Variants in ANO2 observed in about 807,000 individuals in gnomAD.
ANO2 encodes the protein anoctamin-2.
ANO2 carries 101 observed loss-of-function variants against 124.2 expected under a neutral mutation model. The observed-to-expected ratio is 0.81, with a 90% CI of 0.69 to 0.96. The LOEUF (loss-of-function observed/expected upper bound fraction) is 0.96. Among genes scored for constraint, ANO2 ranks in the 40% least tolerant of loss-of-function variants. ANO2 has a pLI of 0.00. For synonymous variants in ANO2, 486 were observed against 482.5 expected (o/e 1.01, Z -0.09); for missense variants, 1,293 against 1,274.5 (o/e 1.01, Z -0.22).
intron 12 of ANO2, among the ~76,000 whole-genome samples, chr12:5,742,143 C>A (rs1951115450): frequency 6.6e-6 from 1 of 152,170 alleles, no homozygotes; most frequent in African/African-American, 2.4e-5. Flanking sequence ...CCTTCCGCTG[C>A]CACCAGCAGC....
chr12:5,665,398 C>A (rs1947650649), intron 14 of ANO2, among the ~76,000 whole-genome samples: 1 of 152,178 alleles, frequency 6.6e-6, no homozygotes, highest in South Asian at 2.1e-4. Flanking sequence ...GGCTTTGCGT[C>A]TGTGCTTCAT....
intron 19 of ANO2, among the ~76,000 whole-genome samples, chr12:5,605,343 T>A (rs1944167215): frequency 6.6e-6 from 1 of 152,230 alleles, no homozygotes; most frequent in Non-Finnish European, 1.5e-5. Context: ...AAATATAACA[T>A]TTATCACATT....
rs1940100876 is a variant in ANO2 at position 5,900,333 on chromosome 12, C to T, written c.534+20707G>A. ...GGAACACATGGTTGTTTGGATCAGG[C>T]ATCCGTTTCTGAGCCCCTCCTAGTC... On this transcript the variant is annotated intron_variant, in intron 3 of 24. Coordinates refer to ENST00000682330, the MANE Select transcript of ANO2 (RefSeq NM_001364791.2). This position sits in a 1 kb window ranked among gnomAD's most constrained non-coding sequence, Gnocchi z 4.2. Among the ~76,000 whole-genome samples the T allele has an allele frequency of 6.6e-6, 1 of 152,338 alleles. No individual in the cohort carries two copies. The highest frequency in any genetic ancestry group is 2.1e-4 in the South Asian group (1 of 4,820).
chr12:5,732,964 G>A, intron 13 of ANO2: 7 of 1,494,710 alleles, frequency 4.7e-6, no homozygotes, highest in Non-Finnish European at 6.5e-6. Context: ...TTGCAGAGCA[G>A]TTTCACCAGA....
intron 3 of ANO2, among the ~76,000 whole-genome samples, chr12:5,861,630 G>A (rs553402500): frequency 5.9e-5 from 9 of 152,248 alleles, no homozygotes; most frequent in East Asian, 1.9e-4. Flanking sequence ...CTCTGGTCCC[G>A]GGCCCTGCTG....
At chr12:5,739,596 T>TAC (rs71064167) in intron 12 of ANO2, among the ~76,000 whole-genome samples, 197 bp from the exon 13 acceptor site, 30,951 of 145,022 alleles carry the variant, frequency 0.21, 3,338 homozygotes, top group Admixed American at 0.33. Flanking sequence ...ATAGATATGT[T>TAC]ACACACACAC....
Position 5,631,743 on chromosome 12 carries a change from G to C in ANO2, c.1816+3409C>G, listed in dbSNP as rs2136932612. ...AGTCACAGCAGCATGAGCAAGGCCG[G>C]GGTGGGACAACACAGGGAGGCTAGG... On this transcript the variant is annotated intron_variant, in intron 16 of 24. Transcript: ENST00000682330. Among the ~76,000 whole-genome samples, 2 of 152,294 alleles carry C rather than the reference G, an allele frequency of 1.3e-5. 1 individual carries two copies. Among genetic ancestry groups the C allele is most frequent in the Middle Eastern group, 6.8e-3 (2 of 294 alleles).
intron 1 of ANO2, among the ~76,000 whole-genome samples, chr12:5,943,910 G>T (rs375108206): frequency 1.3e-5 from 2 of 152,122 alleles, no homozygotes; most frequent in East Asian, 3.9e-4. Flanking sequence ...CCCCACAATG[G>T]AAGATGAAGA....
chr12:5,918,502 C>T (rs1941510301), intron 3 of ANO2, among the ~76,000 whole-genome samples: 2 of 148,942 alleles, frequency 1.3e-5, no homozygotes, highest in African/African-American at 5.0e-5. Flanking sequence ...TGCAGTGGCA[C>T]AATCTCAGCT....
At chr12:5,624,385 C>G (rs541828534) in intron 16 of ANO2, among the ~76,000 whole-genome samples, 50 of 152,260 alleles carry the variant, frequency 3.3e-4, no homozygotes, top group African/African-American at 1.2e-3. Flanking sequence ...CACTTGACAA[C>G]TTCCCTAAGA....
intron 20 of ANO2, among the ~76,000 whole-genome samples, chr12:5,591,892 T>A (rs975803293): frequency 7.9e-5 from 12 of 152,134 alleles, no homozygotes; most frequent in Admixed American, 7.2e-4. Context: ...GGGGAGTCAC[T>A]GCAGAGGCAG....
At chr12:5,690,951 G>C (rs185055519) in intron 14 of ANO2, among the ~76,000 whole-genome samples, 178 of 152,320 alleles carry the variant, frequency 1.2e-3, no homozygotes, top group Non-Finnish European at 1.8e-3. Flanking sequence ...GACACATATA[G>C]GGAGCATATG....
At chr12:5,585,514 C>T (rs893385514) in intron 20 of ANO2, among the ~76,000 whole-genome samples, 3 of 152,310 alleles carry the variant, frequency 2.0e-5, no homozygotes, top group South Asian at 2.1e-4. Context: ...CTCTTTCTCC[C>T]GTCCCACATC....
chr12:5,922,469 C>T, intron 2 of ANO2, 151 bp downstream of exon 2: 1 of 870,320 alleles, frequency 1.1e-6, no homozygotes, highest in Non-Finnish European at 1.7e-6. Flanking sequence ...GACTTGGAGA[C>T]AGAGAAGAGA....
At chr12:5,744,039 G>C in intron 12 of ANO2, 118 bp downstream of exon 12, 1 of 1,226,684 alleles carries the variant, frequency 8.2e-7, no homozygotes, top group Non-Finnish European at 1.1e-6. Context: ...AATACTTCTT[G>C]TGATGGGAAG....
intron 14 of ANO2, among the ~76,000 whole-genome samples, chr12:5,731,399 C>T (rs543341721): frequency 6.6e-6 from 1 of 150,712 alleles, no homozygotes; most frequent in South Asian, 2.1e-4. Context: ...GGCTCGAAAA[C>T]ACCACATTCT....
chr12:5,766,239 A>T (rs1565652610), intron 10 of ANO2, among the ~76,000 whole-genome samples: 1 of 152,210 alleles, frequency 6.6e-6, no homozygotes, highest in Non-Finnish European at 1.5e-5. Flanking sequence ...GTGCACCAAA[A>T]GACACATACA....
chr12:5,796,317 T>A (rs1041188406), intron 10 of ANO2, among the ~76,000 whole-genome samples: 1 of 149,206 alleles, frequency 6.7e-6, no homozygotes, highest in Non-Finnish European at 1.5e-5. Flanking sequence ...ATACACTCCC[T>A]GCTCACACTC....
At chr12:5,724,554 A>G (rs1950358102) in intron 14 of ANO2, among the ~76,000 whole-genome samples, 1 of 152,258 alleles carries the variant, frequency 6.6e-6, no homozygotes, top group Non-Finnish European at 1.5e-5. Context: ...GCAAAGGCCC[A>G]ACAATTATGC....
Sources: gnomAD v4.1 joint callset for allele counts (sites outside exome capture counted in the v4.1 genomes callset) on GRCh38, gnomAD v4.1.1 for gene constraint, Gnocchi (gnomAD v3.1) non-coding constraint, MANE v1.5 for transcripts, NCBI Gene and HGNC (gene_info 2026-07-23, HGNC 2026-07-21) for gene names.